SCN11A: variants seen among roughly 807,000 people sequenced by gnomAD.
SCN11A encodes sodium channel protein type 11 subunit alpha.
SCN11A carries 122 observed loss-of-function variants against 162.2 expected under a neutral mutation model. That is an observed-to-expected ratio of 0.75 (90% confidence interval 0.65 to 0.87). The LOEUF is 0.87. Among genes scored for constraint, SCN11A ranks in the 40% least tolerant of loss-of-function variants. SCN11A has a pLI of 0.00. For missense variants in SCN11A, 2,015 were observed against 2,181.6 expected, an observed-to-expected ratio of 0.92 and a Z score of 1.52; for synonymous variants, 758 against 751.5, an observed-to-expected ratio of 1.01 and a Z score of -0.14.
intron 1 of SCN11A, among the ~76,000 whole-genome samples, chr3:39,035,919 G>A (rs2031893862): frequency 6.6e-6 from 1 of 152,140 alleles, no homozygotes; most frequent in African/African-American, 2.4e-5. Context: ...GATTACAGGC[G>A]TGAGCCACTG....
At position 38,863,212 on chromosome 3, in the gene SCN11A, G is replaced by T; in HGVS notation, c.4039C>A (p.Pro1347Thr). 6.3e-7 allele frequency: 1 copy of T among 1,587,060 alleles called. No homozygotes were observed. Among genetic ancestry groups the T allele is most frequent in the Non-Finnish European group, 8.7e-7 (1 of 1,155,734 alleles). The part of the protein sequence containing the change: ...KKLGSKKPQK[P>T]IPRPLNKCQG... ...GCTCTCACCAGAGGCCGTGGAATGG[G>T]TTTTTGAGGTTTTTTGGATCCTAAT... The change falls in exon 28 of 30, where the codon CCC (proline) becomes ACC (threonine). Residue 1347 changes from proline to threonine, a missense_variant. Transcript: ENST00000302328.
chr3:38,931,707 G>C (rs1268618075), intron 7 of SCN11A, among the ~76,000 whole-genome samples: 1 of 152,172 alleles, frequency 6.6e-6, no homozygotes, highest in Admixed American at 6.5e-5. Context: ...GTGCCTGCAA[G>C]GTCTGGGAGT....
chr3:38,927,821 C>T (rs142258534), intron 7 of SCN11A, among the ~76,000 whole-genome samples: 1 of 152,276 alleles, frequency 6.6e-6, no homozygotes, highest in East Asian at 1.9e-4. Flanking sequence ...CGCCGTGACT[C>T]AATTATCTCC....
intron 2 of SCN11A, among the ~76,000 whole-genome samples, chr3:39,020,196 G>A (rs2031411959): frequency 6.6e-6 from 1 of 152,196 alleles, no homozygotes; most frequent in Non-Finnish European, 1.5e-5. Flanking sequence ...CGCATAGTAA[G>A]CATTCAACAA....
At chr3:38,890,126 C>G (rs1275656747) in intron 19 of SCN11A, among the ~76,000 whole-genome samples, 1 of 152,096 alleles carries the variant, frequency 6.6e-6, no homozygotes, top group Non-Finnish European at 1.5e-5. Flanking sequence ...GACTTTATCC[C>G]AGAAGCGGCA....
intron 2 of SCN11A, among the ~76,000 whole-genome samples, chr3:39,020,413 C>T (rs1470618981): frequency 1.3e-5 from 2 of 152,176 alleles, no homozygotes; most frequent in Non-Finnish European, 2.9e-5. Flanking sequence ...GCCGACAGGA[C>T]AGTTTCCCTC....
chr3:38,932,018 G>C (rs1428558299), intron 7 of SCN11A, among the ~76,000 whole-genome samples: 1 of 152,146 alleles, frequency 6.6e-6, no homozygotes, highest in Non-Finnish European at 1.5e-5. Flanking sequence ...TGCCAAGTCA[G>C]ATACCACAAA....
intron 2 of SCN11A, among the ~76,000 whole-genome samples, chr3:38,991,269 A>G (rs925642955): frequency 6.6e-6 from 1 of 152,180 alleles, no homozygotes; most frequent in Middle Eastern, 3.2e-3. Context: ...AAGGAGAAGA[A>G]GACCAAGCCA....
At chr3:38,960,981 T>C (rs1334718481) in intron 2 of SCN11A, among the ~76,000 whole-genome samples, 3 of 152,172 alleles carry the variant, frequency 2.0e-5, no homozygotes, top group Non-Finnish European at 4.4e-5. Flanking sequence ...TTAGTGTTTT[T>C]TTTGTTGTTT....
rs752885762 is a variant in SCN11A, at chr3:38,846,864, C to T, written c.5206G>A (p.Gly1736Ser). Residue 1736 changes from glycine (G) to serine (S), a missense_variant, in exon 30 of 30, where the codon GGT becomes AGT. Gly to Ser is a moderately conservative substitution (Grantham distance 56, BLOSUM62 0). Coordinates refer to ENST00000302328, the MANE Select transcript of SCN11A (RefSeq NM_001349253.2). ...TTTKRKEEER[G>S]AAIIQKAFRK... is the part of the protein sequence containing the mutation. ...AAGGCCTTTTGAATAATAGCAGCAC[C>T]TCTTTCCTCTTCCTTTCTCTTGGTG... is the stretch of plus-strand genomic sequence containing the variant. 2.9e-5 allele frequency: 46 copies of T among 1,613,992 alleles called. No individual in the cohort carries two copies. Among genetic ancestry groups the T allele is most frequent in the Non-Finnish European group, 3.7e-5 (44 of 1,180,026 alleles).
intron 2 of SCN11A, among the ~76,000 whole-genome samples, chr3:38,999,276 G>C (rs186667041): frequency 6.6e-6 from 1 of 152,032 alleles, no homozygotes; most frequent in African/African-American, 2.4e-5. Flanking sequence ...AACTATAGAC[G>C]AATTCTTAGG....
In SCN11A at chr3:38,938,282, T is replaced by C. The variant is rs1164234160; in HGVS notation, c.488+7129A>G. ...CTTTAGGAGATATACCTAATGCTAA[T>C]TGACGAGTTAATGGGTGCAGCACAC... On this transcript the variant is annotated intron_variant, in intron 7 of 29. Transcript: ENST00000302328. Among the ~76,000 whole-genome samples, 6 of 151,506 alleles carry C rather than the reference T, an allele frequency of 4.0e-5. No homozygotes were observed. The East Asian group carries it at 9.7e-4, about 25-fold the overall frequency.
chr3:38,908,006 T>C lies in SCN11A; in HGVS notation c.1416A>G (p.Arg472=), dbSNP rs2065827404. 3 of 1,613,386 alleles carry C rather than the reference T, an allele frequency of 1.9e-6. No individual in the cohort carries two copies. The highest frequency in any genetic ancestry group is 2.5e-6 in the Non-Finnish European group (3 of 1,179,848). ...GNKKRKSFFL[R]ESGKDQPPGS... ...CAGGAGGCTGGTCTTTCCCAGACTC[T>C]CTCAAAAAGAAGGACTTCCTTTTCT... Residue 472 remains arginine (R), a synonymous_variant, in exon 14 of 30, where the codon AGA becomes AGG. Coordinates refer to ENST00000302328, the MANE Select transcript of SCN11A (RefSeq NM_001349253.2).
intron 24 of SCN11A, 146 bp downstream of exon 24, chr3:38,872,047 C>T: frequency 3.0e-6 from 2 of 675,886 alleles, no homozygotes; most frequent in South Asian, 1.8e-5. Context: ...CTTTTCTCTA[C>T]CCCTCAAATT....
At chr3:38,869,676 T>C (rs1327353178) in intron 26 of SCN11A, among the ~76,000 whole-genome samples, 2 of 152,200 alleles carry the variant, frequency 1.3e-5, no homozygotes, top group East Asian at 1.9e-4. Context: ...ATCAAACCAC[T>C]TCTACTGCTA....
intron 7 of SCN11A, among the ~76,000 whole-genome samples, chr3:38,937,015 A>G (rs928289147): frequency 1.0e-3 from 158 of 152,156 alleles, no homozygotes; most frequent in Middle Eastern, 6.3e-3. Flanking sequence ...TACTGGTACC[A>G]AAACAGAGAT....
At chr3:38,961,743 T>G (rs2066742670) in intron 2 of SCN11A, among the ~76,000 whole-genome samples, 1 of 152,222 alleles carries the variant, frequency 6.6e-6, no homozygotes, top group African/African-American at 2.4e-5. Flanking sequence ...GGGTTTTTTT[T>G]GTTACTGATT....
At chr3:39,023,233 C>A (rs1202299666) in intron 2 of SCN11A, among the ~76,000 whole-genome samples, 1 of 152,118 alleles carries the variant, frequency 6.6e-6, no homozygotes, top group Non-Finnish European at 1.5e-5. Flanking sequence ...AGGTGGTGGA[C>A]CATGTGGGCT....
chr3:38,911,616 TGTA>T (rs1356268230), intron 11 of SCN11A, among the ~76,000 whole-genome samples: 2 of 152,170 alleles, frequency 1.3e-5, no homozygotes, highest in Non-Finnish European at 2.9e-5. Flanking sequence ...GTGCTCTAGT[TGTA>T]GAATTCCTAC....
Sources: allele counts gnomAD v4.1 joint callset (sites outside exome capture counted in the v4.1 genomes callset), GRCh38; gene constraint gnomAD v4.1.1; transcripts MANE v1.5; gene names NCBI Gene and HGNC (gene_info 2026-07-23, HGNC 2026-07-21).